IL1RAPL2: variants seen among roughly 807,000 people sequenced by gnomAD.
IL1RAPL2 encodes X-linked interleukin-1 receptor accessory protein-like 2.
A neutral mutation model predicts 44.1 loss-of-function variants in IL1RAPL2; 3 were observed. That is an observed-to-expected ratio of 0.07 (90% confidence interval 0.03 to 0.18). The LOEUF (loss-of-function observed/expected upper bound fraction) is 0.18, where lower values mean the gene tolerates loss of function less well. IL1RAPL2 is among the 10% of genes least tolerant of loss of function. IL1RAPL2 has a pLI of 1.00. For missense variants in IL1RAPL2, 391 were observed against 496.4 expected (o/e 0.79, Z 2.02); for synonymous variants, 181 against 178.8 (o/e 1.01, Z -0.10).
chrX:105,355,373 C>A (rs1483623333), intron 5 of IL1RAPL2, among the ~76,000 whole-genome samples: 1 of 111,321 alleles, frequency 9.0e-6, no homozygotes, highest in Non-Finnish European at 1.9e-5. Flanking sequence ...TTGCCTCTCA[C>A]TTCTCTGGAT....
At chrX:104,883,700 C>T (rs1332055524) in intron 2 of IL1RAPL2, among the ~76,000 whole-genome samples, 1 of 111,186 alleles carries the variant, frequency 9.0e-6, no homozygotes, top group South Asian at 3.8e-4. Context: ...AACTCCAGGA[C>T]TCTGTTACCT....
chrX:104,959,215 G>A (rs776632263), intron 2 of IL1RAPL2, among the ~76,000 whole-genome samples: 14 of 111,577 alleles, frequency 1.3e-4, no homozygotes, highest in African/African-American at 4.6e-4. Flanking sequence ...AAGAAGGGTA[G>A]TACATCAGAC....
In IL1RAPL2 at chrX:105,040,276, G is replaced by A. The variant is rs766731956; in HGVS notation, c.83-155199G>A. ...AGCTTTTTGATGTGCTGCTGGATTC[G>A]GATTGCCAGTATTTTACTGAGGATT... On this transcript the variant is annotated intron_variant, in intron 2 of 10. Transcript: ENST00000372582. 2.7e-4 allele frequency among the ~76,000 whole-genome samples: 30 copies of A among 111,312 alleles called. No homozygotes were observed. In the East Asian group the frequency reaches 6.5e-3, roughly 24 times the overall value.
At chrX:105,509,884 C>A (rs1602443799) in intron 6 of IL1RAPL2, among the ~76,000 whole-genome samples, 1 of 111,710 alleles carries the variant, frequency 9.0e-6, no homozygotes, top group East Asian at 2.8e-4. Context: ...CCATCCAAAT[C>A]TCTGCAGCCA....
chrX:105,201,890 G>A (rs1289808492), intron 3 of IL1RAPL2, among the ~76,000 whole-genome samples: 1 of 111,836 alleles, frequency 8.9e-6, no homozygotes, highest in African/African-American at 3.2e-5. Context: ...TCAAGAAAGT[G>A]TAGCAGGATC....
intron 6 of IL1RAPL2, among the ~76,000 whole-genome samples, chrX:105,528,003 G>T (rs1401830715): frequency 1.8e-5 from 2 of 112,074 alleles, no homozygotes; most frequent in Non-Finnish European, 3.8e-5. Context: ...GCTAATGATA[G>T]CCTGCAAGGG....
intron 2 of IL1RAPL2, among the ~76,000 whole-genome samples, chrX:104,932,155 C>A (rs1419359364): frequency 9.3e-6 from 1 of 107,886 alleles, no homozygotes; most frequent in Non-Finnish European, 1.9e-5. Context: ...CCTGTCACCA[C>A]GCCCAGCTAA....
At chrX:105,589,571 G>A (rs754209558) in intron 6 of IL1RAPL2, among the ~76,000 whole-genome samples, 5 of 111,045 alleles carry the variant, frequency 4.5e-5, no homozygotes, top group Non-Finnish European at 9.4e-5. Context: ...GAAAAGAAGG[G>A]GTCCAGTTTC....
intron 5 of IL1RAPL2, among the ~76,000 whole-genome samples, chrX:105,345,715 A>G (rs2035105919): frequency 2.7e-5 from 3 of 111,469 alleles, no homozygotes; most frequent in South Asian, 7.6e-4. Context: ...AGATGTTACC[A>G]TCTTCTTTTC....
At chrX:105,073,094 T>G (rs1454562004) in intron 2 of IL1RAPL2, among the ~76,000 whole-genome samples, 2 of 107,060 alleles carry the variant, frequency 1.9e-5, no homozygotes, top group Admixed American at 2.0e-4. Flanking sequence ...TGCACAATAT[T>G]CAGGTTTGTT....
intron 5 of IL1RAPL2, among the ~76,000 whole-genome samples, chrX:105,304,287 G>T (rs1427864236): frequency 2.7e-5 from 3 of 112,834 alleles, no homozygotes; most frequent in Non-Finnish European, 3.7e-5. Context: ...TCTCTCCAAG[G>T]AGTTTGGAGC....
At chrX:105,201,970 A>G (rs1312122482) in intron 3 of IL1RAPL2, among the ~76,000 whole-genome samples, 1 of 112,058 alleles carries the variant, frequency 8.9e-6, no homozygotes, top group Non-Finnish European at 1.9e-5. Context: ...TTTTGGTTAT[A>G]AGCAGGGGTC....
chrX:104,981,225 G>T (rs1192713663), intron 2 of IL1RAPL2, among the ~76,000 whole-genome samples: 1 of 109,878 alleles, frequency 9.1e-6, no homozygotes, highest in Non-Finnish European at 1.9e-5. Context: ...AGATAATTTT[G>T]TGACCCAGGT....
At chrX:105,610,485 C>G (rs1249280070) in intron 6 of IL1RAPL2, among the ~76,000 whole-genome samples, 2 of 111,523 alleles carry the variant, frequency 1.8e-5, no homozygotes, top group Non-Finnish European at 3.8e-5. Flanking sequence ...CCATCCTTGC[C>G]CCAGGCAACC....
intron 2 of IL1RAPL2, among the ~76,000 whole-genome samples, chrX:105,046,360 A>G (rs1291877378): frequency 8.9e-6 from 1 of 111,740 alleles, no homozygotes; most frequent in Non-Finnish European, 1.9e-5. Context: ...ATCTTTCAAT[A>G]GTGGCTGCAC....
chrX:105,101,270 G>A (rs558523056), intron 2 of IL1RAPL2, among the ~76,000 whole-genome samples: 64 of 111,779 alleles, frequency 5.7e-4, no homozygotes, highest in African/African-American at 2.1e-3. Flanking sequence ...CATTAAACTG[G>A]GATAAGTCAA....
chrX:104,671,231 G>A (rs1335352263), intron 2 of IL1RAPL2, among the ~76,000 whole-genome samples: 1 of 110,419 alleles, frequency 9.1e-6, no homozygotes, highest in Non-Finnish European at 1.9e-5. Flanking sequence ...TTAGGCTCCA[G>A]GCTTCTCAGT....
chrX:104,752,278 A>AGTGT (rs200604065), intron 2 of IL1RAPL2, among the ~76,000 whole-genome samples: 1 of 105,467 alleles, frequency 9.5e-6, no homozygotes, highest in African/African-American at 3.7e-5. Context: ...TGTTGGCGTG[A>AGTGT]GAGTGTGTGT....
rs751066095 is a variant in IL1RAPL2, at chrX:104,992,597, C to T, written c.83-202878C>T. On this transcript the variant is annotated intron_variant, in intron 2 of 10. Transcript: ENST00000372582. ...TGACATCAAGGAAGACATCGGCCTCCCACCTGGCCGTTATGGCTCTGTCAG... is the reference window on the plus strand; with the variant it reads ...TGACATCAAGGAAGACATCGGCCTCTCACCTGGCCGTTATGGCTCTGTCAG... 3.8e-4 allele frequency among the ~76,000 whole-genome samples: 42 copies of T among 111,085 alleles called. No homozygotes were observed. The Admixed American group carries it at 3.8e-3, about 10-fold the overall frequency.
Sources: gnomAD v4.1 joint callset for allele counts (sites outside exome capture counted in the v4.1 genomes callset) on GRCh38, gnomAD v4.1.1 for gene constraint, MANE v1.5 for transcripts, NCBI Gene and HGNC (gene_info 2026-07-23, HGNC 2026-07-21) for gene names.